Variants in C10orf90 observed in about 807,000 individuals in gnomAD.
C10orf90 encodes chromosome 10 open reading frame 90.
C10orf90 carries 56 observed loss-of-function variants against 62.5 expected under a neutral mutation model. The ratio of observed to expected loss-of-function variants is 0.90; its 90% confidence interval spans 0.72 to 1.12. The LOEUF is 1.12. Among genes scored for constraint, C10orf90 ranks in the 50% most tolerant of loss-of-function variants. The pLI is 0.00. For missense variants in C10orf90, 970 were observed against 880.4 expected, an observed-to-expected ratio of 1.10 and a Z score of -1.29; for synonymous variants, 386 against 340.4, an observed-to-expected ratio of 1.13 and a Z score of -1.47.
intron 2 of C10orf90, among the ~76,000 whole-genome samples, chr10:126,555,704 AT>A (rs1429836093): frequency 6.2e-4 from 93 of 148,990 alleles, no homozygotes; most frequent in African/African-American, 2.2e-3. Flanking sequence ...AAATAAATAA[AT>A]AAATAAATAA....
intron 4 of C10orf90, among the ~76,000 whole-genome samples, chr10:126,470,860 T>C (rs1860549329): frequency 7.2e-6 from 1 of 138,182 alleles, no homozygotes; most frequent in South Asian, 2.2e-4. Context: ...CTGGTAGATA[T>C]TTTCTCTGCT....
At chr10:126,563,075 T>A (rs1484338177) in intron 2 of C10orf90, among the ~76,000 whole-genome samples, 2 of 152,162 alleles carry the variant, frequency 1.3e-5, no homozygotes, top group Non-Finnish European at 2.9e-5. Context: ...CCGGAGTATT[T>A]ACACCACAGA....
At chr10:126,551,308 C>T (rs1864624893) in intron 2 of C10orf90, among the ~76,000 whole-genome samples, 2 of 152,352 alleles carry the variant, frequency 1.3e-5, no homozygotes, top group South Asian at 2.1e-4. Flanking sequence ...CTACCAACAC[C>T]TCTGTGTGGA....
chr10:126,613,180 G>C (rs1845473919), intron 2 of C10orf90, among the ~76,000 whole-genome samples: 1 of 152,122 alleles, frequency 6.6e-6, no homozygotes, highest in African/African-American at 2.4e-5. Flanking sequence ...AAGTTAAATG[G>C]TATTCAAAGA....
intron 2 of C10orf90, among the ~76,000 whole-genome samples, chr10:126,609,059 C>A (rs1845375202): frequency 6.6e-6 from 1 of 152,192 alleles, no homozygotes; most frequent in African/African-American, 2.4e-5. Flanking sequence ...AGATTTCATC[C>A]TTTCCTGCCT....
chr10:126,618,658 T>C (rs1428745071), intron 2 of C10orf90, among the ~76,000 whole-genome samples: 4 of 151,992 alleles, frequency 2.6e-5, no homozygotes, highest in Non-Finnish European at 5.9e-5. Flanking sequence ...ATGATTCATA[T>C]ATAGAAAAAA....
At chr10:126,615,813 C>T (rs563010204) in intron 2 of C10orf90, among the ~76,000 whole-genome samples, 6 of 152,262 alleles carry the variant, frequency 3.9e-5, no homozygotes, top group Non-Finnish European at 7.3e-5. Context: ...AAAGTCCAAA[C>T]GGGCTCAAGA....
chr10:126,492,766 T>C (rs942636491), intron 4 of C10orf90, among the ~76,000 whole-genome samples: 48 of 152,328 alleles, frequency 3.2e-4, no homozygotes, highest in African/African-American at 1.1e-3. Context: ...GTAATGACAA[T>C]ATCCAATACT....
At chr10:126,466,488 T>G (rs748601063) in intron 4 of C10orf90, among the ~76,000 whole-genome samples, 1 of 152,164 alleles carries the variant, frequency 6.6e-6, no homozygotes, top group Non-Finnish European at 1.5e-5. Flanking sequence ...CTCAGAAGTC[T>G]GCAATTTGTT....
intron 7 of C10orf90, among the ~76,000 whole-genome samples, chr10:126,434,725 A>G (rs992010382): frequency 2.0e-5 from 3 of 152,192 alleles, no homozygotes; most frequent in Non-Finnish European, 4.4e-5. Context: ...ACATGTGTGA[A>G]TTCTAAGATC....
At chr10:126,469,804 T>A (rs1860469284) in intron 4 of C10orf90, 1 of 453,126 alleles carries the variant, frequency 2.2e-6, no homozygotes, top group Admixed American at 2.4e-5. Flanking sequence ...TGGAAACCAG[T>A]TAAGAGAGAT....
intron 4 of C10orf90, among the ~76,000 whole-genome samples, chr10:126,483,550 C>G (rs1861272229): frequency 6.6e-6 from 1 of 152,146 alleles, no homozygotes. Context: ...GATATTTTAG[C>G]CTAGTCAACA....
At chr10:126,568,538 C>A (rs2134000622) in intron 2 of C10orf90, among the ~76,000 whole-genome samples, 1 of 152,304 alleles carries the variant, frequency 6.6e-6, no homozygotes, top group African/African-American at 2.4e-5. Flanking sequence ...TTTAGTCAGA[C>A]ACACCCTGAT....
chr10:126,619,570 A>G (rs1386799838), intron 2 of C10orf90, among the ~76,000 whole-genome samples: 3 of 152,214 alleles, frequency 2.0e-5, no homozygotes, highest in African/African-American at 7.2e-5. Flanking sequence ...TGGTCATCAG[A>G]TATCCTCCTT....
rs17154993 is a variant in C10orf90, at chr10:126,595,451, A to G, written c.313+51114T>C. Reference sequence around the variant, plus strand: ...CAGAAAAAGAGGATATAAATTATTTAGCTTTAAGTGTTACTCATTTTCAAT... The same window carrying G: ...CAGAAAAAGAGGATATAAATTATTTGGCTTTAAGTGTTACTCATTTTCAAT... On this transcript the variant is annotated intron_variant, in intron 2 of 9. Coordinates refer to ENST00000488181, the MANE Select transcript of C10orf90 (RefSeq NM_001350921.2). Among the ~76,000 whole-genome samples, 918 of 152,322 alleles carry G rather than the reference A, an allele frequency of 6.0e-3. 23 individuals carry two copies. The East Asian group carries it at 0.085, about 14-fold the overall frequency.
chr10:126,548,781 C>T (rs189050095), intron 2 of C10orf90, among the ~76,000 whole-genome samples: 1,693 of 145,866 alleles, frequency 0.012, 28 homozygotes, highest in African/African-American at 0.038. Context: ...CTCACTCTGT[C>T]GCCCAGGCTG....
chr10:126,620,314 T>A (rs2133814764), intron 2 of C10orf90, among the ~76,000 whole-genome samples: 1 of 152,258 alleles, frequency 6.6e-6, no homozygotes, highest in East Asian at 1.9e-4. Flanking sequence ...AGGACCATTT[T>A]CCCCCTGCGT....
intron 3 of C10orf90, among the ~76,000 whole-genome samples, chr10:126,506,663 G>T (rs1015044946): frequency 5.3e-5 from 8 of 152,204 alleles, no homozygotes; most frequent in African/African-American, 1.9e-4. Flanking sequence ...TTGTGATGTA[G>T]GTGATCTGGG....
At chr10:126,648,076 G>A (rs1193575874) in intron 1 of C10orf90, among the ~76,000 whole-genome samples, 1 of 152,202 alleles carries the variant, frequency 6.6e-6, no homozygotes, top group Admixed American at 6.5e-5. Flanking sequence ...AAGTCATGAG[G>A]ACTCTGCCTC....
Sources: gnomAD v4.1 joint callset for allele counts (sites outside exome capture counted in the v4.1 genomes callset) on GRCh38, gnomAD v4.1.1 for gene constraint, MANE v1.5 for transcripts, NCBI Gene and HGNC (gene_info 2026-07-23, HGNC 2026-07-21) for gene names.